DSCAM: variants seen among roughly 807,000 people sequenced by gnomAD.
DSCAM encodes the protein cell adhesion molecule DSCAM.
A neutral mutation model predicts 217.7 loss-of-function variants in DSCAM; 47 were observed. The ratio of observed to expected loss-of-function variants is 0.22; its 90% CI spans 0.17 to 0.28. The LOEUF is 0.28. Among genes scored for constraint, DSCAM ranks in the 10% least tolerant of loss-of-function variants. The probability of loss-of-function intolerance (pLI) is 1.00; values close to 1 mark genes in which losing one functional copy is unlikely to be tolerated. For missense variants in DSCAM, 2,080 were observed against 2,618.3 expected (o/e 0.79, Z 4.49); for synonymous variants, 1,056 against 1,015.3 (o/e 1.04, Z -0.76).
At chr21:40,378,992 A>G (rs760445766) in intron 3 of DSCAM, among the ~76,000 whole-genome samples, 39 of 152,224 alleles carry the variant, frequency 2.6e-4, no homozygotes, top group Admixed American at 1.2e-3. Flanking sequence ...AAAAGACAGT[A>G]AGGTATATGT....
At chr21:40,800,866 C>A (rs2091734093) in intron 1 of DSCAM, among the ~76,000 whole-genome samples, 1 of 151,892 alleles carries the variant, frequency 6.6e-6, no homozygotes, top group South Asian at 2.1e-4. Context: ...CAGGCACACA[C>A]CACCACGCCC....
At chr21:40,565,800 G>A (rs1181646761) in intron 3 of DSCAM, among the ~76,000 whole-genome samples, 1 of 152,166 alleles carries the variant, frequency 6.6e-6, no homozygotes, top group Non-Finnish European at 1.5e-5. Context: ...CAACTACACA[G>A]AAGGAATCAC....
chr21:40,274,089 C>G (rs560937982), intron 11 of DSCAM, among the ~76,000 whole-genome samples: 179 of 152,288 alleles, frequency 1.2e-3, no homozygotes, highest in African/African-American at 4.2e-3. Flanking sequence ...TTCTGCCAGA[C>G]AGGAATTGGA....
At chr21:40,638,733 C>T (rs1158690821) in intron 3 of DSCAM, among the ~76,000 whole-genome samples, 2 of 152,134 alleles carry the variant, frequency 1.3e-5, no homozygotes, top group African/African-American at 4.8e-5. Context: ...TAATTACACC[C>T]ATTTTACTCG....
chr21:40,569,683 T>C (rs7278034), intron 3 of DSCAM, among the ~76,000 whole-genome samples: 5,757 of 152,260 alleles, frequency 0.038, 313 homozygotes, highest in African/African-American at 0.12. Context: ...TCTGTGCCTG[T>C]GGTGGACCCT....
chr21:40,507,974 C>A (rs879548566), intron 3 of DSCAM, among the ~76,000 whole-genome samples: 1 of 152,082 alleles, frequency 6.6e-6, no homozygotes, highest in African/African-American at 2.4e-5. Flanking sequence ...CAAAACCCAC[C>A]GGTATTTGCT....
intron 3 of DSCAM, among the ~76,000 whole-genome samples, chr21:40,629,079 GTGTGTGTGTGTGT>G (rs1568948399): frequency 4.0e-3 from 6 of 1,510 alleles, no homozygotes; most frequent in Admixed American, 9.8e-3. Context: ...TGTGTGTGGT[GTGTGTGTGTGTGT>G]GTGTGTGTGT....
At chr21:40,639,941 C>G (rs1212753271) in intron 3 of DSCAM, among the ~76,000 whole-genome samples, 2 of 152,156 alleles carry the variant, frequency 1.3e-5, no homozygotes, top group Non-Finnish European at 2.9e-5. Context: ...TACACGGGCT[C>G]CATATCGATT....
chr21:40,464,502 A>G (rs969278437), intron 3 of DSCAM, among the ~76,000 whole-genome samples: 47 of 152,290 alleles, frequency 3.1e-4, no homozygotes, highest in African/African-American at 1.1e-3. Context: ...ACACAAAGGC[A>G]TTGCTTTTCA....
At chr21:40,487,493 A>G (rs1694177665) in intron 3 of DSCAM, among the ~76,000 whole-genome samples, 1 of 152,142 alleles carries the variant, frequency 6.6e-6, no homozygotes, top group Admixed American at 6.5e-5. Context: ...CTGGAGCCAC[A>G]TCCTTAGAGA....
rs115910639 is a variant in DSCAM, at chr21:40,386,991, T to C, written c.509-17746A>G. Reference sequence around the variant, plus strand: ...ATTTTTCCATTTTTTTTTCAGGTAGTTTAATATAGTCAGTGAATCAGCAGT... The same window carrying C: ...ATTTTTCCATTTTTTTTTCAGGTAGCTTAATATAGTCAGTGAATCAGCAGT... On this transcript the variant is annotated intron_variant, in intron 3 of 32. Transcript: ENST00000400454. 4.5e-3 allele frequency among the ~76,000 whole-genome samples: 685 copies of C among 152,178 alleles called. 4 individuals are homozygous for C. Among genetic ancestry groups the C allele is most frequent in the African/African-American group, 0.016 (662 of 41,506 alleles).
intron 15 of DSCAM, among the ~76,000 whole-genome samples, chr21:40,173,700 C>A (rs533174246): frequency 5.2e-4 from 79 of 152,282 alleles, no homozygotes; most frequent in Admixed American, 2.9e-3. Context: ...CTCCCCTCCA[C>A]CCCAGCTCAG....
chr21:40,752,027 T>A (rs2091234367), intron 1 of DSCAM, among the ~76,000 whole-genome samples: 1 of 152,160 alleles, frequency 6.6e-6, no homozygotes, highest in Non-Finnish European at 1.5e-5. Flanking sequence ...ATAGCCCAAC[T>A]GGATGGCAAA....
chr21:40,367,692 AC>A (rs2074848259), intron 4 of DSCAM, among the ~76,000 whole-genome samples: 1 of 151,666 alleles, frequency 6.6e-6, no homozygotes, highest in Non-Finnish European at 1.5e-5. Context: ...GACTCTGTGG[AC>A]CCCTCCCTTC....
chr21:40,078,782 T>G lies in DSCAM; in HGVS notation c.4616A>C (p.Gln1539Pro), dbSNP rs2089408504. The G allele has an allele frequency of 6.2e-7, 1 of 1,614,258 alleles. No individual in the cohort carries two copies. The highest frequency in any genetic ancestry group is 8.5e-7 in the Non-Finnish European group (1 of 1,180,048). ...LSKSYILYDL[Q>P]EATWYELQMR... Reference sequence around the variant, plus strand: ...CTGCAGCTCATACCAGGTGGCTTCCTGCAGGTCATACAGGATGTAGGACTT... The same window carrying G: ...CTGCAGCTCATACCAGGTGGCTTCCGGCAGGTCATACAGGATGTAGGACTT... The change falls in exon 26 of 33, where the codon CAG becomes CCG. Residue 1539 changes from glutamine to proline, a missense_variant. Physicochemically the swap from Gln to Pro is moderately conservative, Grantham distance 76 (BLOSUM62 -1). Around this residue, in one of 5 missense-constraint regions of DSCAM, gnomAD observed 1,144 missense variants for 1,421.1 expected, o/e 0.81. Transcript: ENST00000400454.
At chr21:40,620,567 TG>T (rs1028875691) in intron 3 of DSCAM, among the ~76,000 whole-genome samples, 1 of 145,940 alleles carries the variant, frequency 6.9e-6, no homozygotes, top group Non-Finnish European at 1.5e-5. Context: ...GAGAATATAA[TG>T]GAAAAAAAGA....
At chr21:40,574,503 C>T (rs1233001425) in intron 3 of DSCAM, among the ~76,000 whole-genome samples, 3 of 152,128 alleles carry the variant, frequency 2.0e-5, no homozygotes, top group African/African-American at 7.2e-5. Flanking sequence ...AGAAGATATA[C>T]AAATAACATG....
intron 14 of DSCAM, among the ~76,000 whole-genome samples, chr21:40,182,396 G>C (rs2090815964): frequency 6.6e-6 from 1 of 151,996 alleles, no homozygotes; most frequent in African/African-American, 2.4e-5. Flanking sequence ...TGTGTTTCCT[G>C]GTTACCTTTC....
intron 3 of DSCAM, among the ~76,000 whole-genome samples, chr21:40,649,489 T>C (rs534195114): frequency 6.6e-6 from 1 of 152,302 alleles, no homozygotes; most frequent in South Asian, 2.1e-4. Flanking sequence ...AAAATATATA[T>C]ACTTTAGCAA....
Sources: allele counts gnomAD v4.1 joint callset (sites outside exome capture counted in the v4.1 genomes callset), GRCh38; gene constraint gnomAD v4.1.1; regional missense constraint gnomAD v4.1.1; transcripts MANE v1.5; gene names NCBI Gene and HGNC (gene_info 2026-07-23, HGNC 2026-07-21).